The following SLC25A31 variants were observed in gnomAD, a reference collection of about 807,000 sequenced individuals.
SLC25A31 encodes solute carrier family 25 member 31.
A neutral mutation model predicts 36.2 loss-of-function variants in SLC25A31; 40 were observed. The ratio of observed to expected loss-of-function variants is 1.10; its 90% CI spans 0.86 to 1.44. The LOEUF (loss-of-function observed/expected upper bound fraction) is 1.44. SLC25A31 is among the 40% of genes most tolerant of loss of function. The pLI is 0.00. For synonymous variants in SLC25A31, 143 were observed against 149.7 expected, an observed-to-expected ratio of 0.96 and a Z score of 0.32; for missense variants, 350 against 397.1, an observed-to-expected ratio of 0.88 and a Z score of 1.01.
chr4:127,756,697 T>G (rs1236333294), intron 2 of SLC25A31, among the ~76,000 whole-genome samples: 2 of 152,196 alleles, frequency 1.3e-5, no homozygotes, highest in Non-Finnish European at 2.9e-5. Flanking sequence ...TATACAATTA[T>G]TTGTCAACTA....
At chr4:127,753,066 C>T (rs1371608582) in intron 2 of SLC25A31, among the ~76,000 whole-genome samples, 5 of 152,014 alleles carry the variant, frequency 3.3e-5, no homozygotes, top group Admixed American at 2.0e-4. Context: ...TAGGGAAAAT[C>T]ACAAATATGT....
chr4:127,740,634 G>A (rs1227361442), intron 1 of SLC25A31, among the ~76,000 whole-genome samples: 3 of 152,166 alleles, frequency 2.0e-5, no homozygotes, highest in Admixed American at 1.3e-4. Context: ...TCACCACAAT[G>A]TCTGCACAGG....
chr4:127,768,259 A>G (rs1482943756), intron 4 of SLC25A31, among the ~76,000 whole-genome samples: 1 of 152,042 alleles, frequency 6.6e-6, no homozygotes, highest in Non-Finnish European at 1.5e-5. Context: ...TGCTATGTTA[A>G]TGAAAATTAC....
At chr4:127,769,026 AT>A in intron 5 of SLC25A31, 149 bp downstream of exon 5, 2 of 693,390 alleles carry the variant, frequency 2.9e-6, no homozygotes, top group South Asian at 3.3e-5. Context: ...TCTGTCTTAT[AT>A]TCTTTCCTAT....
intron 2 of SLC25A31, among the ~76,000 whole-genome samples, chr4:127,747,565 G>C (rs1163216885): frequency 1.3e-5 from 2 of 152,100 alleles, no homozygotes; most frequent in African/African-American, 4.8e-5. Context: ...GGTTTTAAAA[G>C]TCAGTTTACT....
At chr4:127,765,341 A>G (rs909214252) in intron 3 of SLC25A31, among the ~76,000 whole-genome samples, 5 of 152,286 alleles carry the variant, frequency 3.3e-5, no homozygotes, top group Admixed American at 6.5e-5. Flanking sequence ...AAATAGGTTC[A>G]GCTTTTTCTG....
At chr4:127,738,539 A>G (rs971340003) in intron 1 of SLC25A31, among the ~76,000 whole-genome samples, 3 of 152,230 alleles carry the variant, frequency 2.0e-5, no homozygotes, top group African/African-American at 2.4e-5. Context: ...CATGTGGTCA[A>G]TCTTGGAGTA....
chr4:127,735,330 A>G (rs1271922286), intron 1 of SLC25A31, among the ~76,000 whole-genome samples: 2 of 152,350 alleles, frequency 1.3e-5, no homozygotes, highest in East Asian at 1.9e-4. Context: ...AATTAGCAAG[A>G]TGTTTGAAAA....
At chr4:127,734,428 C>T (rs1399626710) in intron 1 of SLC25A31, among the ~76,000 whole-genome samples, 2 of 151,888 alleles carry the variant, frequency 1.3e-5, no homozygotes, top group Admixed American at 6.6e-5. Context: ...GGCATGGTGG[C>T]GCACGCCTAT....
intron 1 of SLC25A31, among the ~76,000 whole-genome samples, chr4:127,735,876 A>ATTAT (rs1578654640): frequency 2.7e-5 from 2 of 73,758 alleles, no homozygotes; most frequent in East Asian, 7.3e-4. Context: ...TATTTTATTT[A>ATTAT]TTTATTTATT....
chr4:127,755,878 C>A (rs1190309513), intron 2 of SLC25A31, among the ~76,000 whole-genome samples: 1 of 152,082 alleles, frequency 6.6e-6, no homozygotes, highest in African/African-American at 2.4e-5. Context: ...ACTAAAAATA[C>A]AAAAATTAGC....
chr4:127,764,246 T>C lies in SLC25A31; in HGVS notation c.364T>C (p.Trp122Arg). ...MSGVNKEKQF[W>R]RWFLANLASG... ...CTTTTAAATTAATATGTTTCAGTTCTGGAGGTGGTTTTTGGCAAACCTGGC... is the reference window on the plus strand; with the variant it reads ...CTTTTAAATTAATATGTTTCAGTTCCGGAGGTGGTTTTTGGCAAACCTGGC... Residue 122 changes from tryptophan to arginine, a missense_variant, in exon 3 of 6, where the codon TGG becomes CGG. Trp to Arg is a moderately radical substitution (Grantham distance 101, BLOSUM62 -3). Transcript: ENST00000281154. 6.2e-7 allele frequency: 1 copy of C among 1,613,680 alleles called. No homozygotes were observed. Among genetic ancestry groups the C allele is most frequent in the East Asian group, 2.2e-5 (1 of 44,862 alleles).
intron 5 of SLC25A31, among the ~76,000 whole-genome samples, chr4:127,771,374 G>A (rs1174176131): frequency 6.6e-6 from 1 of 152,058 alleles, no homozygotes; most frequent in Non-Finnish European, 1.5e-5. Context: ...TGAGGTACTG[G>A]GAGTTATTAG....
chr4:127,772,455 C>A (rs985568323), intron 5 of SLC25A31, among the ~76,000 whole-genome samples: 5 of 152,100 alleles, frequency 3.3e-5, no homozygotes, highest in African/African-American at 1.2e-4. Flanking sequence ...TTTCCTCAAA[C>A]AATATTTCCA....
chr4:127,766,488 C>T (rs994157254), intron 3 of SLC25A31, among the ~76,000 whole-genome samples: 3 of 151,702 alleles, frequency 2.0e-5, no homozygotes, highest in Non-Finnish European at 4.4e-5. Flanking sequence ...CTAAGTGTTT[C>T]TTTGTTTTGT....
intron 2 of SLC25A31, among the ~76,000 whole-genome samples, chr4:127,754,100 T>C (rs1410931199): frequency 6.6e-6 from 1 of 152,164 alleles, no homozygotes; most frequent in Non-Finnish European, 1.5e-5. Context: ...ACAAAGTTCA[T>C]TCTTTCATAT....
intron 5 of SLC25A31, among the ~76,000 whole-genome samples, chr4:127,771,497 T>C (rs1309750106): frequency 6.6e-6 from 1 of 152,244 alleles, no homozygotes; most frequent in Non-Finnish European, 1.5e-5. Flanking sequence ...CGAATGTGTA[T>C]GTACATACCT....
rs144275036 is a variant in SLC25A31, at chr4:127,759,145, T to C, written c.361-5098T>C. Among the ~76,000 whole-genome samples, 19 of 152,238 alleles carry C rather than the reference T, an allele frequency of 1.2e-4. 1 individual carries two copies. The East Asian group carries it at 3.3e-3, about 26-fold the overall frequency. On this transcript the variant is annotated intron_variant, in intron 2 of 5. Transcript: ENST00000281154. ...ATTTGTTTGTGTCATGTATGATTTC[T>C]TCCATCAATGTTTTGTAGTTCTCCT...
At chr4:127,764,983 TG>T (rs1732214278) in intron 3 of SLC25A31, among the ~76,000 whole-genome samples, 1 of 152,238 alleles carries the variant, frequency 6.6e-6, no homozygotes, top group South Asian at 2.1e-4. Context: ...GATACCAATT[TG>T]CTTACTCCGG....
Sources: gnomAD v4.1 joint callset for allele counts (sites outside exome capture counted in the v4.1 genomes callset) on GRCh38, gnomAD v4.1.1 for gene constraint, MANE v1.5 for transcripts, NCBI Gene and HGNC (gene_info 2026-07-23, HGNC 2026-07-21) for gene names.